NFASC: variants seen among roughly 807,000 people sequenced by gnomAD.
NFASC encodes neurofascin, also known as neurofascin homolog.
Under a neutral mutation model 147.5 loss-of-function variants are expected in NFASC, and 43 were observed. That is an observed-to-expected ratio of 0.29 (90% CI 0.23 to 0.38). The LOEUF is 0.38. Ranked by LOEUF, NFASC falls within the 10% of genes least tolerant of loss-of-function variation. The probability of loss-of-function intolerance (pLI) is 1.00; values close to 1 mark genes in which losing one functional copy is unlikely to be tolerated. For synonymous variants in NFASC, 622 were observed against 665.5 expected (o/e 0.93, Z 1.01); for missense variants, 1,320 against 1,689.0 (o/e 0.78, Z 3.83).
intron 1 of NFASC, among the ~76,000 whole-genome samples, chr1:204,847,208 G>A (rs1008075225): frequency 9.9e-5 from 15 of 152,218 alleles, no homozygotes; most frequent in Admixed American, 2.0e-4. Context: ...AGCAGCAACA[G>A]TAGTAATAAT....
chr1:204,986,028 G>C lies in NFASC; in HGVS notation c.2471-1390G>C, dbSNP rs1271156694. On this transcript the variant is annotated intron_variant, in intron 21 of 29. Coordinates refer to ENST00000339876, the MANE Select transcript of NFASC (RefSeq NM_001005388.3). The surrounding 1 kb of genome is among the most constrained non-coding windows in gnomAD (Gnocchi z 4.2). The stretch of plus-strand genomic sequence containing the variant: ...GTGGTGTCCCGCCTCTTCCCCTACA[G>C]TAACTACAAGCTGGAGATGGTTGTG... 1.2e-6 allele frequency: 2 copies of C among 1,614,032 alleles called. No individual in the cohort carries two copies. Among genetic ancestry groups the C allele is most frequent in the Non-Finnish European group, 1.7e-6 (2 of 1,180,002 alleles).
intron 3 of NFASC, among the ~76,000 whole-genome samples, chr1:204,947,461 G>T (rs145926193): frequency 0.01 from 1,581 of 152,266 alleles, 23 homozygotes; most frequent in African/African-American, 0.036. Context: ...TCTGTGTCTC[G>T]AGGGCAGGGG....
rs1282600822 is a variant in NFASC at position 204,968,734 on chromosome 1, T to G, written c.819-64T>G. 4.1e-6 allele frequency: 6 copies of G among 1,480,448 alleles called. No individual in the cohort carries two copies. Among genetic ancestry groups the G allele is most frequent in the Non-Finnish European group, 5.5e-6 (6 of 1,090,676 alleles). The allele number at this position is 1,480,448 out of a possible 1,614,324, so 91.7% of individuals were successfully genotyped here. ...TTTAGGCCACCTGGGTGTCCCCAGCTGTATAGAAGAGGAGAAAGGCCACGT... is the reference window on the plus strand; with the variant it reads ...TTTAGGCCACCTGGGTGTCCCCAGCGGTATAGAAGAGGAGAAAGGCCACGT... On this transcript the variant is annotated intron_variant, in intron 9 of 29. Transcript: ENST00000339876. The surrounding 1 kb of genome is among the most constrained non-coding windows in gnomAD (Gnocchi z 5.4).
chr1:204,837,732 G>A (rs540941795), intron 1 of NFASC, among the ~76,000 whole-genome samples: 70 of 152,174 alleles, frequency 4.6e-4, no homozygotes, highest in African/African-American at 1.6e-3. Context: ...GGAAAGTAAC[G>A]CCGGGGAATG....
intron 1 of NFASC, among the ~76,000 whole-genome samples, chr1:204,852,169 C>T (rs1022335896): frequency 6.6e-6 from 1 of 152,144 alleles, no homozygotes. Context: ...GGAGCATTAG[C>T]GATCATCTGA....
At chr1:204,952,898 T>C (rs2094209260) in intron 5 of NFASC, among the ~76,000 whole-genome samples, 1 of 152,204 alleles carries the variant, frequency 6.6e-6, no homozygotes, top group South Asian at 2.1e-4. Context: ...CAGCCAGGTA[T>C]GCAGCAGCTT....
chr1:204,952,001 A>T lies in NFASC; in HGVS notation c.110-10A>T. The T allele has an allele frequency of 6.2e-7, 1 of 1,612,666 alleles. No individual in the cohort carries two copies. Among genetic ancestry groups the T allele is most frequent in the Non-Finnish European group, 8.5e-7 (1 of 1,178,848 alleles). On this transcript the variant is annotated splice_polypyrimidine_tract_variant and intron_variant, in intron 4 of 29. Coordinates refer to ENST00000339876, the MANE Select transcript of NFASC (RefSeq NM_001005388.3). ...GCAGCCCTGACCATGCTCCCTGTGC[A>T]CTGTTGCAGTGACGCAGCCGCCAAC...
chr1:204,955,492 G>A (rs535178771), intron 7 of NFASC, among the ~76,000 whole-genome samples: 1 of 152,254 alleles, frequency 6.6e-6, no homozygotes, highest in Admixed American at 6.5e-5. Context: ...AAGGGTGAAT[G>A]GGGAATTGCA....
At chr1:204,960,365 A>G (rs536596792) in intron 8 of NFASC, among the ~76,000 whole-genome samples, 1 of 152,196 alleles carries the variant, frequency 6.6e-6, no homozygotes, top group Non-Finnish European at 1.5e-5. Context: ...TGGGCTACAG[A>G]GCTGGGCCCG....
At chr1:204,896,486 A>G (rs2083410958) in intron 1 of NFASC, among the ~76,000 whole-genome samples, 1 of 152,204 alleles carries the variant, frequency 6.6e-6, no homozygotes, top group African/African-American at 2.4e-5. Flanking sequence ...TCTACCCACA[A>G]GTAGGAATTG....
At chr1:204,877,037 T>TTA (rs1182790256) in intron 1 of NFASC, among the ~76,000 whole-genome samples, 11 of 86,480 alleles carry the variant, frequency 1.3e-4, no homozygotes, top group African/African-American at 2.8e-4. Context: ...TAATATATAT[T>TTA]TATATATATA....
At chr1:204,866,342 T>C (rs2077106929) in intron 1 of NFASC, among the ~76,000 whole-genome samples, 1 of 152,132 alleles carries the variant, frequency 6.6e-6, no homozygotes. Flanking sequence ...CTGGATGCCG[T>C]CTTGGCTGCA....
At chr1:204,932,116 G>C (rs2092414185) in intron 2 of NFASC, among the ~76,000 whole-genome samples, 1 of 152,108 alleles carries the variant, frequency 6.6e-6, no homozygotes, top group Admixed American at 6.5e-5. Context: ...CTGAGAGGCA[G>C]AATATAGGTC....
chr1:204,969,153 T>C (rs1038547605), intron 10 of NFASC, among the ~76,000 whole-genome samples, 171 bp downstream of exon 10: 2 of 151,932 alleles, frequency 1.3e-5, no homozygotes, highest in Non-Finnish European at 2.9e-5. Context: ...CGTGAGAGGG[T>C]GTGTGCATGC....
At chr1:204,849,204 C>G (rs2075443357) in intron 1 of NFASC, among the ~76,000 whole-genome samples, 2 of 152,234 alleles carry the variant, frequency 1.3e-5, no homozygotes, top group Admixed American at 6.5e-5. Context: ...GTTTGAGCCT[C>G]TCTACCGAAA....
intron 1 of NFASC, among the ~76,000 whole-genome samples, chr1:204,881,505 C>A (rs2080221859): frequency 1.3e-5 from 2 of 152,200 alleles, no homozygotes; most frequent in Admixed American, 6.5e-5. Flanking sequence ...GAGTCACTAT[C>A]CAGTTGAGCT....
intron 1 of NFASC, among the ~76,000 whole-genome samples, chr1:204,894,045 C>A (rs2082930238): frequency 6.6e-6 from 1 of 152,300 alleles, no homozygotes; most frequent in Middle Eastern, 3.4e-3. Context: ...TGCCTGGCCA[C>A]TTTGGAATCT....
chr1:204,947,382 T>C (rs989565199), intron 3 of NFASC, among the ~76,000 whole-genome samples: 13 of 152,180 alleles, frequency 8.5e-5, no homozygotes, highest in Admixed American at 4.6e-4. Flanking sequence ...TGAAGGAAGA[T>C]CAGGCATTCT....
chr1:204,923,063 G>T (rs1179096641), intron 2 of NFASC, among the ~76,000 whole-genome samples: 1 of 152,216 alleles, frequency 6.6e-6, no homozygotes, highest in East Asian at 1.9e-4. Context: ...CTAAGAAAGG[G>T]CCTGGATTCA....
Sources: gnomAD v4.1 joint callset for allele counts (sites outside exome capture counted in the v4.1 genomes callset) on GRCh38, gnomAD v4.1.1 for gene constraint, Gnocchi (gnomAD v3.1) non-coding constraint, MANE v1.5 for transcripts, NCBI Gene and HGNC (gene_info 2026-07-23, HGNC 2026-07-21) for gene names.